The following ADAM7 variants were observed in gnomAD, a reference collection of about 807,000 sequenced individuals.
ADAM7 encodes ADAM metallopeptidase domain 7.
A neutral mutation model predicts 102.9 loss-of-function variants in ADAM7; 97 were observed. The observed-to-expected ratio is 0.94, with a 90% CI of 0.80 to 1.12. The LOEUF (loss-of-function observed/expected upper bound fraction) is 1.12. Among genes scored for constraint, ADAM7 ranks in the 50% most tolerant of loss-of-function variants. The pLI is 0.00. For missense variants in ADAM7, 991 were observed against 908.7 expected (o/e 1.09, Z -1.16); for synonymous variants, 334 against 304.4 (o/e 1.10, Z -1.01).
chr8:24,445,103 A>G (rs1035063385), intron 2 of ADAM7, among the ~76,000 whole-genome samples: 1 of 152,140 alleles, frequency 6.6e-6, no homozygotes, highest in African/African-American at 2.4e-5. Context: ...TTAATATAAA[A>G]TCCATATCTG....
rs910476256 is a variant in ADAM7 at position 24,485,345 on chromosome 8, C to A, written c.944C>A (p.Ser315Tyr). ...GGGGGTATGTGCCTGCCCTATTATT[C>A]CACCAGTATCATTAAGGTGGGCTGT... ...YPGGMCLPYY[S>Y]TSIIKDLLPD... Residue 315 changes from serine (S) to tyrosine (Y), a missense_variant, in exon 10 of 22, where the codon TCC (serine) becomes TAC (tyrosine). Physicochemically the swap from Ser to Tyr is moderately radical, Grantham distance 144. Transcript: ENST00000175238. The A allele has an allele frequency of 9.3e-6, 15 of 1,613,226 alleles. No individual in the cohort carries two copies. The highest frequency in any genetic ancestry group is 1.7e-5 in the Admixed American group (1 of 59,928).
chr8:24,476,395 A>T, intron 7 of ADAM7, 38 bp from the exon 8 acceptor site: 1 of 1,420,210 alleles, frequency 7.0e-7, no homozygotes, highest in Admixed American at 1.8e-5. Flanking sequence ...TGCAACTCCT[A>T]TTATTAATGA....
intron 3 of ADAM7, among the ~76,000 whole-genome samples, chr8:24,452,248 G>A (rs1327999618): frequency 1.3e-5 from 2 of 150,494 alleles, no homozygotes; most frequent in East Asian, 3.9e-4. Context: ...TTGACAGTGG[G>A]GTGTTAAAGT....
At chr8:24,481,915 C>T (rs1819964763) in intron 8 of ADAM7, among the ~76,000 whole-genome samples, 1 of 152,262 alleles carries the variant, frequency 6.6e-6, no homozygotes, top group East Asian at 1.9e-4. Flanking sequence ...GGAGGCAGAT[C>T]TTTCTGATCA....
At chr8:24,504,023 AAAAATAAAATAAAATAAAATAAAAT>A (rs140673463) in intron 20 of ADAM7, among the ~76,000 whole-genome samples, 5 of 145,698 alleles carry the variant, frequency 3.4e-5, no homozygotes, top group Non-Finnish European at 7.5e-5. Context: ...CTTCAAGTAC[AAAAATAAAATAAAATAAAATAAAAT>A]AAAATAAAAT....
chr8:24,449,806 C>A (rs1164561121), intron 3 of ADAM7, among the ~76,000 whole-genome samples: 1 of 152,106 alleles, frequency 6.6e-6, no homozygotes, highest in Non-Finnish European at 1.5e-5. Flanking sequence ...GTCTTTAATC[C>A]ATCCTGAATT....
chr8:24,502,307 T>C (rs909384506), intron 20 of ADAM7, among the ~76,000 whole-genome samples: 4 of 151,972 alleles, frequency 2.6e-5, no homozygotes, highest in African/African-American at 9.7e-5. Context: ...TCTGCTTCTG[T>C]TTGAAAAGAA....
Position 24,509,543 on chromosome 8 carries a change from A to T in ADAM7, c.*997A>T, listed in dbSNP as rs1821048060. The T allele has an allele frequency of 2.0e-6, 2 of 984,462 alleles. No homozygotes were observed. The highest frequency in any genetic ancestry group is 3.5e-5 in the African/African-American group (2 of 57,202). The allele number at this position is 984,462 out of a possible 1,614,324, so 61.0% of individuals were successfully genotyped here. A position where few individuals can be genotyped will look rare whatever the true frequency, so the allele number is the denominator to read the frequency against. On this transcript the variant is annotated 3_prime_UTR_variant, in exon 22 of 22. Transcript: ENST00000175238. ...ATATTCTGACTCGATGAAATAAATAAAGGCTACAAAAGAAGGAAGAAAGGC... is the reference window on the plus strand; with the variant it reads ...ATATTCTGACTCGATGAAATAAATATAGGCTACAAAAGAAGGAAGAAAGGC...
intron 1 of ADAM7, among the ~76,000 whole-genome samples, chr8:24,442,130 C>T (rs925878864): frequency 1.4e-4 from 21 of 151,726 alleles, no homozygotes; most frequent in African/African-American, 3.9e-4. Context: ...GCCGAGATCA[C>T]GCCACTACAC....
Position 24,482,216 on chromosome 8 carries a change from A to G in ADAM7, c.780A>G (p.Leu260=). Residue 260 remains leucine (L), a synonymous_variant, in exon 9 of 22, where the codon CTA becomes CTG. Coordinates refer to ENST00000175238, the MANE Select transcript of ADAM7 (RefSeq NM_003817.4). ...EIWTHEDKIE[L]YSNIETTLLR... ...GGACACATGAAGATAAAATAGAACT[A>G]TATTCAAATATAGAAACTACCTTAT... The G allele has an allele frequency of 1.2e-6, 2 of 1,609,304 alleles. No individual in the cohort carries two copies. Among genetic ancestry groups the G allele is most frequent in the Non-Finnish European group, 1.7e-6 (2 of 1,178,146 alleles).
chr8:24,449,366 C>A (rs1818688837), intron 3 of ADAM7, among the ~76,000 whole-genome samples: 1 of 152,186 alleles, frequency 6.6e-6, no homozygotes, highest in South Asian at 2.1e-4. Flanking sequence ...GAGATGATAG[C>A]TCATTGTGGT....
Position 24,476,472 on chromosome 8 carries a change from C to G in ADAM7, c.673C>G (p.Arg225Gly), listed in dbSNP as rs777076478. ...TCATCCTCACAATAAACTAAGGAAC[C>G]GAATTTGGGGAATGGTCAATTTTGT... ...NGHPHNKLRN[R>G]IWGMVNFVNM... The change falls in exon 8 of 22, where the codon CGA becomes GGA. Residue 225 changes from arginine to glycine, a missense_variant. Physicochemically the swap from Arg to Gly is moderately radical, Grantham distance 125 (BLOSUM62 -2). Transcript: ENST00000175238. 8.7e-6 allele frequency: 14 copies of G among 1,608,170 alleles called. No homozygotes were observed. Among genetic ancestry groups the G allele is most frequent in the African/African-American group, 1.3e-5 (1 of 74,694 alleles).
At chr8:24,468,387 A>G (rs1819498350) in intron 6 of ADAM7, among the ~76,000 whole-genome samples, 1 of 152,136 alleles carries the variant, frequency 6.6e-6, no homozygotes. Flanking sequence ...AAAAAGAGCT[A>G]ATGCATGCTA....
At chr8:24,478,454 G>A (rs998795910) in intron 8 of ADAM7, among the ~76,000 whole-genome samples, 3 of 152,074 alleles carry the variant, frequency 2.0e-5, no homozygotes, top group African/African-American at 7.2e-5. Context: ...CCTCTGATTT[G>A]GGTACCTTAA....
intron 12 of ADAM7, 100 bp from the exon 13 acceptor site, chr8:24,490,699 T>G: frequency 3.4e-6 from 4 of 1,170,194 alleles, no homozygotes; most frequent in Middle Eastern, 2.0e-4. Context: ...GCATCACTAT[T>G]TAACTCTATC....
At chr8:24,487,626 A>T (rs1426342650) in intron 11 of ADAM7, among the ~76,000 whole-genome samples, 3 of 150,536 alleles carry the variant, frequency 2.0e-5, no homozygotes, top group Admixed American at 2.0e-4. Flanking sequence ...CAAGAGCAAA[A>T]CTCCATCTCA....
chr8:24,447,042 T>C (rs1818586093), intron 2 of ADAM7, 144 bp from the exon 3 acceptor site: 1 of 439,504 alleles, frequency 2.3e-6, no homozygotes, highest in South Asian at 7.2e-5. Context: ...TCTCTTTCAA[T>C]TCATCTTTAT....
At chr8:24,485,607 T>C (rs964558447) in intron 10 of ADAM7, among the ~76,000 whole-genome samples, 2 of 152,210 alleles carry the variant, frequency 1.3e-5, no homozygotes, top group African/African-American at 4.8e-5. Context: ...CAGATCAGCA[T>C]GCAATGATTA....
At chr8:24,484,328 T>TA (rs1435727867) in intron 9 of ADAM7, among the ~76,000 whole-genome samples, 19 of 152,334 alleles carry the variant, frequency 1.2e-4, no homozygotes, top group African/African-American at 3.4e-4. Flanking sequence ...CTTTGAGTTC[T>TA]ATTACATTCC....
Sources: gnomAD v4.1 joint callset for allele counts (sites outside exome capture counted in the v4.1 genomes callset) on GRCh38, gnomAD v4.1.1 for gene constraint, MANE v1.5 for transcripts, NCBI Gene and HGNC (gene_info 2026-07-23, HGNC 2026-07-21) for gene names.